The following RBMS2 variants were observed in gnomAD, a reference collection of about 807,000 sequenced individuals.
RBMS2 encodes the protein RNA-binding motif, single-stranded-interacting protein 2.
RBMS2 carries 38 observed loss-of-function variants against 58.4 expected under a neutral mutation model. The observed-to-expected ratio is 0.65, with a 90% confidence interval of 0.50 to 0.85. The LOEUF (loss-of-function observed/expected upper bound fraction) is 0.85, where lower values mean the gene tolerates loss of function less well. Ranked by LOEUF, RBMS2 falls within the 40% of genes least tolerant of loss-of-function variation. RBMS2 has a pLI of 0.00. For missense variants in RBMS2, 367 were observed against 503.7 expected, an observed-to-expected ratio of 0.73 and a Z score of 2.60; for synonymous variants, 151 against 180.7, an observed-to-expected ratio of 0.84 and a Z score of 1.32.
At chr12:56,527,867 G>T (rs1872965612) in intron 1 of RBMS2, 1 of 151,306 alleles carries the variant, frequency 6.6e-6, no homozygotes, top group African/African-American at 2.4e-5. Flanking sequence ...TTCCATAGGA[G>T]AATATGCAAT....
At chr12:56,561,089 C>G (rs1255130666) in intron 1 of RBMS2, among the ~76,000 whole-genome samples, 1 of 152,206 alleles carries the variant, frequency 6.6e-6, no homozygotes, top group East Asian at 1.9e-4. Flanking sequence ...CTGCAAAGGA[C>G]AGGATCTCAT....
intron 4 of RBMS2, among the ~76,000 whole-genome samples, chr12:56,570,309 A>T (rs2136470099): frequency 6.6e-6 from 1 of 152,282 alleles, no homozygotes; most frequent in South Asian, 2.1e-4. Flanking sequence ...CCTACCAGAC[A>T]GCTTGTGGTG....
chr12:56,574,924 G>A (rs909800875), intron 5 of RBMS2, among the ~76,000 whole-genome samples: 10 of 151,530 alleles, frequency 6.6e-5, no homozygotes, highest in South Asian at 4.2e-4. Context: ...CGAGGCGGGC[G>A]GATCATGAGG....
chr12:56,561,293 G>T (rs1327303897), intron 1 of RBMS2, among the ~76,000 whole-genome samples: 1 of 152,160 alleles, frequency 6.6e-6, no homozygotes, highest in Non-Finnish European at 1.5e-5. Flanking sequence ...CAATGGGATT[G>T]CTGGGCTAAA....
rs1885217925 is a variant in RBMS2, at chr12:56,590,385, T to G, written c.*1252T>G. On this transcript the variant is annotated 3_prime_UTR_variant, in exon 14 of 14. Coordinates refer to ENST00000262031, the MANE Select transcript of RBMS2 (RefSeq NM_002898.4). ...GGCCTTTGGCAACATCTAGAGACAG[T>G]TTTGATTGCCACGCCTGGAGGTGGG... 1 of 152,108 alleles carries G rather than the reference T, an allele frequency of 6.6e-6. No homozygotes were observed. The highest frequency in any genetic ancestry group is 6.6e-5 in the Admixed American group (1 of 15,260). 9.4% of individuals were successfully genotyped at this position (152,108 alleles called of 1,614,324 possible).
rs984511054 is a variant in RBMS2 at position 56,593,477 on chromosome 12, ACCCACCTCGGCCT to A, written c.*4349_*4361del. 6 of 151,110 alleles carry A rather than the reference ACCCACCTCGGCCT, an allele frequency of 4.0e-5. No individual in the cohort carries two copies. Among genetic ancestry groups the A allele is most frequent in the African/African-American group, 1.5e-4 (6 of 41,128 alleles). The allele number at this position is 151,110 out of a possible 1,614,324, so 9.4% of individuals were successfully genotyped here. A position where few individuals can be genotyped will look rare whatever the true frequency, so the allele number is the denominator to read the frequency against. On this transcript the variant is annotated 3_prime_UTR_variant, in exon 14 of 14. Coordinates refer to ENST00000262031, the MANE Select transcript of RBMS2 (RefSeq NM_002898.4). Reference sequence around the variant, plus strand: ...TCGAACTCCTGGGCTCAAATGATCCACCCACCTCGGCCTCCCAAAGTGCTGGGATTATAGGCAT... The same window carrying A: ...TCGAACTCCTGGGCTCAAATGATCCACCCAAAGTGCTGGGATTATAGGCAT...
chr12:56,537,243 A>G (rs780330573), intron 1 of RBMS2, among the ~76,000 whole-genome samples: 13 of 152,094 alleles, frequency 8.5e-5, no homozygotes, highest in Non-Finnish European at 1.5e-4. Context: ...ACATTTTAGT[A>G]TACAGTTTAG....
chr12:56,531,183 G>C (rs1459593597), intron 1 of RBMS2, among the ~76,000 whole-genome samples: 1 of 151,994 alleles, frequency 6.6e-6, no homozygotes, highest in African/African-American at 2.4e-5. Context: ...TTCATTGCTA[G>C]AGTGTAAGCT....
chr12:56,577,689 A>T (rs1446362274), intron 5 of RBMS2, among the ~76,000 whole-genome samples: 2 of 148,000 alleles, frequency 1.4e-5, no homozygotes, highest in Non-Finnish European at 3.0e-5. Context: ...TAATTTTTTA[A>T]TTTTTTTTTT....
intron 5 of RBMS2, among the ~76,000 whole-genome samples, chr12:56,577,200 T>C (rs1883249717): frequency 6.6e-6 from 1 of 151,932 alleles, no homozygotes; most frequent in Admixed American, 6.6e-5. Flanking sequence ...GGTCAGGAGT[T>C]CGAGACCAGC....
At chr12:56,586,288 T>C (rs935334823) in intron 9 of RBMS2, among the ~76,000 whole-genome samples, 1 of 151,582 alleles carries the variant, frequency 6.6e-6, no homozygotes, top group Non-Finnish European at 1.5e-5. Context: ...GCTGAGATCC[T>C]GCCACTGCAC....
intron 1 of RBMS2, among the ~76,000 whole-genome samples, chr12:56,532,334 G>C (rs1450436854): frequency 4.6e-5 from 7 of 152,086 alleles, no homozygotes; most frequent in African/African-American, 1.7e-4. Context: ...CCGGAGGTCA[G>C]GAGTTTGAAA....
intron 1 of RBMS2, among the ~76,000 whole-genome samples, chr12:56,546,413 T>G (rs1034660532): frequency 1.4e-5 from 2 of 143,958 alleles, no homozygotes; most frequent in African/African-American, 2.5e-5. Flanking sequence ...TTGTACATTA[T>G]AATGTAAAAT....
chr12:56,589,368 A>G lies in RBMS2; in HGVS notation c.*235A>G, dbSNP rs1236287857. 25 of 1,107,204 alleles carry G rather than the reference A, an allele frequency of 2.3e-5. No individual in the cohort carries two copies. Among genetic ancestry groups the G allele is most frequent in the Non-Finnish European group, 2.6e-5 (23 of 879,568 alleles). The allele number at this position is 1,107,204 out of a possible 1,614,324, so 68.6% of individuals were successfully genotyped here. On this transcript the variant is annotated 3_prime_UTR_variant, in exon 14 of 14. Transcript: ENST00000262031. ...AACCATCACTTTTTTTGTGTGCTAC[A>G]TTCAAGGAGATCAAAAAAACTTTTC...
chr12:56,581,086 T>A (rs111457955), intron 5 of RBMS2, 98 bp from the exon 6 acceptor site: 2 of 998,626 alleles, frequency 2.0e-6, no homozygotes. Context: ...TTTGGAGCAG[T>A]TGTGGGGCTG....
intron 1 of RBMS2, among the ~76,000 whole-genome samples, chr12:56,523,005 G>A (rs1245527111): frequency 1.3e-5 from 2 of 152,158 alleles, no homozygotes; most frequent in Non-Finnish European, 2.9e-5. Context: ...TCATCTAATG[G>A]AATGTTGGAG....
chr12:56,526,308 AAAAT>A (rs1161726725), intron 1 of RBMS2, among the ~76,000 whole-genome samples: 1 of 151,818 alleles, frequency 6.6e-6, no homozygotes, highest in African/African-American at 2.4e-5. Context: ...CTCCATCTCA[AAAAT>A]AAATAAATAA....
intron 1 of RBMS2, among the ~76,000 whole-genome samples, chr12:56,541,928 TGA>T (rs1231288789): frequency 6.6e-6 from 1 of 152,152 alleles, no homozygotes; most frequent in Non-Finnish European, 1.5e-5. Flanking sequence ...TTCCCTAAGA[TGA>T]TAACAATCCA....
At chr12:56,529,035 A>G (rs1052184532) in intron 1 of RBMS2, among the ~76,000 whole-genome samples, 2 of 152,154 alleles carry the variant, frequency 1.3e-5, no homozygotes, top group African/African-American at 2.4e-5. Context: ...ACATCTTGGC[A>G]GGTTCTCAAA....
Sources: allele counts gnomAD v4.1 joint callset (sites outside exome capture counted in the v4.1 genomes callset), GRCh38; gene constraint gnomAD v4.1.1; transcripts MANE v1.5; gene names NCBI Gene and HGNC (gene_info 2026-07-23, HGNC 2026-07-21).